ZBTB20: variants seen among roughly 807,000 people sequenced by gnomAD.
ZBTB20 encodes zinc finger and BTB domain containing 20, also known as zinc finger and BTB domain-containing protein 20.
A neutral mutation model predicts 56.9 loss-of-function variants in ZBTB20; 9 were observed. The ratio of observed to expected loss-of-function variants is 0.16; its 90% CI spans 0.10 to 0.28. ZBTB20 has a LOEUF of 0.28. Ranked by LOEUF, ZBTB20 falls within the 10% of genes least tolerant of loss-of-function variation. ZBTB20 has a pLI of 1.00. For missense variants in ZBTB20, 655 were observed against 1,003.0 expected (o/e 0.65, Z 4.69); for synonymous variants, 417 against 420.7 (o/e 0.99, Z 0.11).
rs1264673490 is a variant in ZBTB20 at position 114,331,581 on chromosome 3, C to T, written c.*7424G>A. 2 of 152,140 alleles carry T rather than the reference C, an allele frequency of 1.3e-5. No homozygotes were observed. The highest frequency in any genetic ancestry group is 3.9e-4 in the East Asian group (2 of 5,188). The allele number at this position is 152,140 out of a possible 1,614,324, so 9.4% of individuals were successfully genotyped here. On this transcript the variant is annotated 3_prime_UTR_variant, in exon 12 of 12. Transcript: ENST00000675478. ...GACAATAAGTATATACACAAACACACACATGTGCACACATGTCAATAAATC... is the reference window on the plus strand; with the variant it reads ...GACAATAAGTATATACACAAACACATACATGTGCACACATGTCAATAAATC...
At chr3:114,450,068 C>G (rs1429336720) in intron 7 of ZBTB20, among the ~76,000 whole-genome samples, 1 of 152,158 alleles carries the variant, frequency 6.6e-6, no homozygotes, top group African/African-American at 2.4e-5. Context: ...TACTTTTGCT[C>G]TATGATATTT....
At chr3:115,003,008 T>C (rs2079314473) in intron 2 of ZBTB20, among the ~76,000 whole-genome samples, 2 of 151,624 alleles carry the variant, frequency 1.3e-5, no homozygotes, top group African/African-American at 4.8e-5. Context: ...CATGAAACTA[T>C]ACAGGGAAAC....
chr3:114,884,124 A>C, intron 4 of ZBTB20, among the ~76,000 whole-genome samples: 1 of 149,646 alleles, frequency 6.7e-6, no homozygotes. Flanking sequence ...ACGGGGTTTC[A>C]CCGTTTTAGC....
intron 1 of ZBTB20, among the ~76,000 whole-genome samples, chr3:115,094,934 A>G (rs1325806148): frequency 2.0e-5 from 3 of 152,052 alleles, no homozygotes; most frequent in African/African-American, 7.2e-5. Context: ...TATCTTTTTG[A>G]TATCCCATAA....
At chr3:114,676,757 C>A (rs1578286046) in intron 6 of ZBTB20, among the ~76,000 whole-genome samples, 1 of 149,524 alleles carries the variant, frequency 6.7e-6, no homozygotes, top group African/African-American at 2.4e-5. Context: ...CCCTCTAAGC[C>A]TCTGAACTAG....
chr3:114,818,828 C>T (rs1018249360), intron 4 of ZBTB20, among the ~76,000 whole-genome samples: 3 of 151,628 alleles, frequency 2.0e-5, no homozygotes, highest in African/African-American at 7.3e-5. Flanking sequence ...AAATTATAGT[C>T]AATGAAATAG....
At chr3:114,345,130 C>T (rs1280829783) in intron 11 of ZBTB20, among the ~76,000 whole-genome samples, 4 of 152,162 alleles carry the variant, frequency 2.6e-5, no homozygotes, top group Non-Finnish European at 4.4e-5. Flanking sequence ...TCCTGGAAAG[C>T]GTGTTCACAT....
At chr3:115,134,698 C>A (rs2084607566) in intron 1 of ZBTB20, among the ~76,000 whole-genome samples, 1 of 152,134 alleles carries the variant, frequency 6.6e-6, no homozygotes, top group Non-Finnish European at 1.5e-5. Flanking sequence ...ATTCAGTTTT[C>A]ATGTTTTCGC....
chr3:114,803,346 C>CTACT (rs1173615798), intron 4 of ZBTB20, among the ~76,000 whole-genome samples: 1 of 151,806 alleles, frequency 6.6e-6, no homozygotes, highest in Non-Finnish European at 1.5e-5. Flanking sequence ...CCATGCTGTA[C>CTACT]TACTCATCAC....
At chr3:114,877,240 G>T (rs977513080) in intron 4 of ZBTB20, among the ~76,000 whole-genome samples, 1 of 152,172 alleles carries the variant, frequency 6.6e-6, no homozygotes, top group African/African-American at 2.4e-5. Context: ...AAAATAGATA[G>T]AAGTGCTAGT....
chr3:114,409,659 T>C (rs575239107), intron 7 of ZBTB20, among the ~76,000 whole-genome samples: 1 of 152,278 alleles, frequency 6.6e-6, no homozygotes, highest in African/African-American at 2.4e-5. Context: ...CATTTAGCTT[T>C]TTAATTCTGA....
chr3:114,571,019 T>C (rs977096835), intron 6 of ZBTB20, among the ~76,000 whole-genome samples: 4 of 152,198 alleles, frequency 2.6e-5, no homozygotes, highest in Non-Finnish European at 4.4e-5. Context: ...GTTTTGTTTT[T>C]ATGAATTTAG....
At chr3:114,787,370 C>CACACAG (rs1553821546) in intron 5 of ZBTB20, among the ~76,000 whole-genome samples, 1 of 114,438 alleles carries the variant, frequency 8.7e-6, no homozygotes, top group Non-Finnish European at 1.7e-5. Context: ...TATATATATA[C>CACACAG]ACACACACAC....
intron 7 of ZBTB20, among the ~76,000 whole-genome samples, chr3:114,436,578 C>T (rs1384396371): frequency 6.6e-6 from 1 of 152,104 alleles, no homozygotes; most frequent in Non-Finnish European, 1.5e-5. Context: ...CTGTTAAGGC[C>T]TTGGCTATCC....
chr3:114,537,370 C>T (rs958414248), intron 6 of ZBTB20, among the ~76,000 whole-genome samples: 4 of 151,932 alleles, frequency 2.6e-5, no homozygotes, highest in Non-Finnish European at 4.4e-5. Context: ...ATGTGGTCAA[C>T]GAACATATGA....
rs1350612896 is a variant in ZBTB20 at position 114,942,306 on chromosome 3, T to TG, written c.-456+32059_-456+32060insC. ...TTTTCAATATCAGAACAGTATAGTT[T>TG]TGGCTAGAGAAATTACTATAAGCAT... is the stretch of plus-strand genomic sequence containing the variant. On this transcript the variant is annotated intron_variant, in intron 3 of 11. Coordinates refer to ENST00000675478, the MANE Select transcript of ZBTB20 (RefSeq NM_001348800.3). Among the ~76,000 whole-genome samples, 6 of 145,940 alleles carry TG rather than the reference T, an allele frequency of 4.1e-5. 1 individual carries two copies. The highest frequency in any genetic ancestry group is 1.7e-4 in the African/African-American group (6 of 35,874).
chr3:114,538,701 G>A (rs1007542909), intron 6 of ZBTB20, among the ~76,000 whole-genome samples: 7 of 152,088 alleles, frequency 4.6e-5, no homozygotes, highest in African/African-American at 1.7e-4. Context: ...GACAGGTCCT[G>A]TTTGTGTCTG....
chr3:114,993,451 C>CT (rs1400214759), intron 2 of ZBTB20, among the ~76,000 whole-genome samples: 2 of 151,656 alleles, frequency 1.3e-5, no homozygotes, highest in African/African-American at 4.8e-5. Context: ...AAAACTTCAC[C>CT]TTTTGAAAAT....
At chr3:114,440,932 C>CTTAG (rs2090880231) in intron 7 of ZBTB20, among the ~76,000 whole-genome samples, 1 of 152,132 alleles carries the variant, frequency 6.6e-6, no homozygotes, top group Non-Finnish European at 1.5e-5. Flanking sequence ...AGTCCCTGAC[C>CTTAG]TTAGATGGTC....
Sources: gnomAD v4.1 joint callset for allele counts (sites outside exome capture counted in the v4.1 genomes callset) on GRCh38, gnomAD v4.1.1 for gene constraint, MANE v1.5 for transcripts, NCBI Gene and HGNC (gene_info 2026-07-23, HGNC 2026-07-21) for gene names.